Variants in PLXNA2 observed in about 807,000 individuals in gnomAD.
The protein encoded by PLXNA2 is plexin A2, also known as plexin-A2.
Under a neutral mutation model 193.5 loss-of-function variants are expected in PLXNA2, and 91 were observed. That is an observed-to-expected ratio of 0.47 (90% CI 0.40 to 0.56). The LOEUF (loss-of-function observed/expected upper bound fraction) is 0.56. PLXNA2 is among the 20% of genes least tolerant of loss of function. The pLI is 0.00. For missense variants in PLXNA2, 1,995 were observed against 2,503.2 expected (o/e 0.80, Z 4.33); for synonymous variants, 997 against 1,027.3 (o/e 0.97, Z 0.56).
At chr1:208,083,894 T>C (rs1666426912) in intron 10 of PLXNA2, among the ~76,000 whole-genome samples, 1 of 151,204 alleles carries the variant, frequency 6.6e-6, no homozygotes, top group African/African-American at 2.4e-5. Context: ...AGCACCCTCC[T>C]GGTTATTCAC....
chr1:208,046,541 A>G (rs1354072783), intron 17 of PLXNA2, among the ~76,000 whole-genome samples: 2 of 151,516 alleles, frequency 1.3e-5, no homozygotes, highest in Non-Finnish European at 2.9e-5. Context: ...CTACTCTAGG[A>G]GTGTCTGTGT....
At chr1:208,182,154 G>C (rs530461793) in intron 3 of PLXNA2, among the ~76,000 whole-genome samples, 69 of 152,298 alleles carry the variant, frequency 4.5e-4, no homozygotes, top group African/African-American at 1.5e-3. Context: ...GAAATCAAAG[G>C]CCGGGTGCAG....
chr1:208,227,237 A>G (rs1273927182), intron 1 of PLXNA2, among the ~76,000 whole-genome samples: 2 of 152,218 alleles, frequency 1.3e-5, no homozygotes, highest in African/African-American at 4.8e-5. Context: ...TTTCTGGAAA[A>G]AAAACTATGA....
intron 3 of PLXNA2, among the ~76,000 whole-genome samples, chr1:208,207,869 C>A (rs1670787175): frequency 6.6e-6 from 1 of 152,182 alleles, no homozygotes; most frequent in Non-Finnish European, 1.5e-5. Context: ...GTGTCATGAG[C>A]TCATAGAAAC....
rs77130181 is a variant in PLXNA2 at position 208,198,772 on chromosome 1, G to A, written c.1371+11508C>T. ...AGTCTACACGTGGACATATGGAAGC[G>A]TAGAGAAGTTCAATTGAATGCTAAA... On this transcript the variant is annotated intron_variant, in intron 3 of 31. Transcript: ENST00000367033. Among the ~76,000 whole-genome samples the A allele has an allele frequency of 2.3e-3, 351 of 152,312 alleles. 7 individuals are homozygous for A. The East Asian group carries it at 0.053, about 23-fold the overall frequency.
rs1671177891 is a variant in PLXNA2, at chr1:208,217,591, T to C, written c.332A>G (p.Asn111Ser). The change falls in exon 2 of 32, where the codon AAC (asparagine) becomes AGC (serine). Residue 111 changes from asparagine to serine, a missense_variant. Physicochemically the swap from Asn to Ser is conservative, Grantham distance 46. Coordinates refer to ENST00000367033, the MANE Select transcript of PLXNA2 (RefSeq NM_025179.4). This position sits in a 1 kb window ranked among gnomAD's most constrained non-coding sequence, Gnocchi z 4.7. ...AATGATGAGCAGCTTGTTGACATTG[T>C]TGGTGAGGGTGAGCACTTCGCTGCA... ...QPCSEVLTLTNNVNKLLIIDY... is the reference protein window; with the variant it reads ...QPCSEVLTLTSNVNKLLIIDY... 4 of 1,613,990 alleles carry C rather than the reference T, an allele frequency of 2.5e-6. No homozygotes were observed. The highest frequency in any genetic ancestry group is 1.7e-5 in the Admixed American group (1 of 60,006).
At chr1:208,134,295 G>A (rs971347627) in intron 4 of PLXNA2, among the ~76,000 whole-genome samples, 25 of 152,138 alleles carry the variant, frequency 1.6e-4, no homozygotes, top group Admixed American at 5.2e-4. Flanking sequence ...CAGCCTCTTT[G>A]TTCCTTGACA....
chr1:208,210,323 T>C lies in PLXNA2; in HGVS notation c.1328A>G (p.Tyr443Cys), dbSNP rs764622896. The change falls in exon 3 of 32, where the codon TAC becomes TGC. Residue 443 changes from tyrosine (Y) to cysteine (C), a missense_variant. By Grantham distance (194) the Tyr-to-Cys change is radical. This residue lies in a region of PLXNA2 where 702 missense variants were observed against 812.9 expected (regional missense o/e 0.86). Coordinates refer to ENST00000367033, the MANE Select transcript of PLXNA2 (RefSeq NM_025179.4). ...CTTAGTCCCCACAAAAACCACGCTG[T>C]AGCCGTTGTAAACGTAGGAGGCCAC... ...TSVASYVYNG[Y>C]SVVFVGTKSG... 6.2e-6 allele frequency: 10 copies of C among 1,614,026 alleles called. No individual in the cohort carries two copies. Among genetic ancestry groups the C allele is most frequent in the Non-Finnish European group, 8.5e-6 (10 of 1,180,000 alleles).
intron 20 of PLXNA2, among the ~76,000 whole-genome samples, chr1:208,043,819 G>C (rs1250593587): frequency 6.6e-6 from 1 of 152,216 alleles, no homozygotes; most frequent in Admixed American, 6.5e-5. Context: ...CCAGCAGAGG[G>C]CTTGTTTCTG....
intron 3 of PLXNA2, among the ~76,000 whole-genome samples, chr1:208,160,802 T>C (rs1219389778): frequency 1.3e-5 from 2 of 152,256 alleles, no homozygotes; most frequent in Non-Finnish European, 1.5e-5. Flanking sequence ...ATAGATTAAT[T>C]ATTCTCAGAG....
At chr1:208,119,546 T>C (rs931986140) in intron 4 of PLXNA2, among the ~76,000 whole-genome samples, 11 of 152,206 alleles carry the variant, frequency 7.2e-5, no homozygotes, top group African/African-American at 2.7e-4. Context: ...TGTCCAGCAC[T>C]TTATGTCATC....
intron 4 of PLXNA2, among the ~76,000 whole-genome samples, chr1:208,128,397 G>C (rs1003477387): frequency 6.6e-6 from 1 of 152,148 alleles, no homozygotes; most frequent in Non-Finnish European, 1.5e-5. Flanking sequence ...CATGGCTGAG[G>C]GTTTGGCTCT....
At chr1:208,215,970 G>T (rs746998115) in intron 2 of PLXNA2, among the ~76,000 whole-genome samples, 2 of 152,050 alleles carry the variant, frequency 1.3e-5, no homozygotes, top group African/African-American at 4.8e-5. Context: ...CCATCAGTTG[G>T]TCAAGCCAGA....
At chr1:208,185,696 C>CAAAAAAAAAAAA (rs56384277) in intron 3 of PLXNA2, among the ~76,000 whole-genome samples, 11 of 57,194 alleles carry the variant, frequency 1.9e-4, no homozygotes, top group Admixed American at 6.0e-4. Context: ...TCTCTGAAAG[C>CAAAAAAAAAAAA]AAAAAAAAAA....
rs1666376581 is a variant in PLXNA2 at position 208,082,431 on chromosome 1, G to T, written c.2376C>A (p.Asp792Glu). Residue 792 changes from aspartate to glutamate, a missense_variant, in exon 11 of 32, where the codon GAC becomes GAA. Asp to Glu is a conservative substitution (Grantham distance 45, BLOSUM62 2). Around this residue, in one of 3 missense-constraint regions of PLXNA2, gnomAD observed 1,291 missense variants for 1,673.6 expected, o/e 0.77. Transcript: ENST00000367033. This position sits in a 1 kb window ranked among gnomAD's most constrained non-coding sequence, Gnocchi z 4.2. Reference protein sequence around the residue: ...AVVWNGNFIIDNPQDLKVHLY... With the variant: ...AVVWNGNFIIENPQDLKVHLY... ...GCTTACCTTTCAGGTCCTGAGGGTT[G>T]TCAATGATGAAATTGCCGTTCCACA... The T allele has an allele frequency of 6.2e-7, 1 of 1,613,914 alleles. No homozygotes were observed. Among genetic ancestry groups the T allele is most frequent in the Non-Finnish European group, 8.5e-7 (1 of 1,179,930 alleles).
intron 3 of PLXNA2, among the ~76,000 whole-genome samples, chr1:208,190,734 C>A (rs749429216): frequency 4.6e-5 from 7 of 152,200 alleles, no homozygotes; most frequent in Non-Finnish European, 8.8e-5. Flanking sequence ...AGTTGGAAAC[C>A]ACTAGCTTGA....
At chr1:208,144,662 C>A (rs1307456651) in intron 3 of PLXNA2, among the ~76,000 whole-genome samples, 6 of 152,146 alleles carry the variant, frequency 3.9e-5, no homozygotes, top group Non-Finnish European at 8.8e-5. Flanking sequence ...GAGGTAACCT[C>A]AATGGAACCA....
chr1:208,037,577 A>C (rs1664712053), intron 26 of PLXNA2, among the ~76,000 whole-genome samples: 1 of 151,858 alleles, frequency 6.6e-6, no homozygotes, highest in African/African-American at 2.4e-5. Context: ...GGTGTCTCTT[A>C]TTTCCAGTTT....
chr1:208,154,717 T>C (rs493194), intron 3 of PLXNA2, among the ~76,000 whole-genome samples: 118,353 of 152,214 alleles, frequency 0.78, 46,840 homozygotes, highest in Middle Eastern at 0.89. Context: ...AAGCTCTGCA[T>C]TTCCATCTTC....
Sources: allele counts gnomAD v4.1 joint callset (sites outside exome capture counted in the v4.1 genomes callset), GRCh38; gene constraint gnomAD v4.1.1; regional missense constraint gnomAD v4.1.1; non-coding constraint Gnocchi (gnomAD v3.1); transcripts MANE v1.5; gene names NCBI Gene and HGNC (gene_info 2026-07-23, HGNC 2026-07-21).